RBM20: variants seen among roughly 807,000 people sequenced by gnomAD.
RBM20 encodes the protein RNA binding motif protein 20, also known as RNA-binding protein 20.
A neutral mutation model predicts 110.1 loss-of-function variants in RBM20; 51 were observed. The observed-to-expected ratio is 0.46, with a 90% confidence interval of 0.37 to 0.59. RBM20 has a LOEUF of 0.59. Ranked by LOEUF, RBM20 falls within the 20% of genes least tolerant of loss-of-function variation. The pLI, the probability that RBM20 is intolerant of heterozygous loss-of-function variation, is 0.00. For missense variants in RBM20, 1,512 were observed against 1,574.9 expected (o/e 0.96, Z 0.68); for synonymous variants, 589 against 618.2 (o/e 0.95, Z 0.70).
At chr10:110,729,535 T>A (rs1283636147) in intron 1 of RBM20, among the ~76,000 whole-genome samples, 1 of 151,984 alleles carries the variant, frequency 6.6e-6, no homozygotes, top group African/African-American at 2.4e-5. Flanking sequence ...TTCTAGGCTA[T>A]GAGCCGCAGG....
At chr10:110,667,357 G>A (rs1010741850) in intron 1 of RBM20, among the ~76,000 whole-genome samples, 4 of 152,198 alleles carry the variant, frequency 2.6e-5, no homozygotes, top group Middle Eastern at 3.2e-3. Flanking sequence ...CTAAGTTTGG[G>A]ATGATCATTT....
At chr10:110,659,817 C>T (rs1590600397) in intron 1 of RBM20, among the ~76,000 whole-genome samples, 1 of 92,524 alleles carries the variant, frequency 1.1e-5, no homozygotes, top group South Asian at 3.0e-4. Context: ...CCTTCCTCTT[C>T]TTCCTCTTCC....
At chr10:110,701,789 C>T (rs1020590363) in intron 1 of RBM20, among the ~76,000 whole-genome samples, 3 of 152,158 alleles carry the variant, frequency 2.0e-5, no homozygotes, top group Non-Finnish European at 1.5e-5. Context: ...TTGCTATAGG[C>T]CTGCAACCTG....
intron 6 of RBM20, among the ~76,000 whole-genome samples, chr10:110,799,481 AC>A (rs1844593761): frequency 6.6e-6 from 1 of 152,096 alleles, no homozygotes; most frequent in African/African-American, 2.4e-5. Context: ...TAAAACACAT[AC>A]TCTACAGTGC....
Position 110,838,471 on chromosome 10 carries a change from C to G in RBM20, c.*2493C>G, listed in dbSNP as rs1048813857. 1.3e-5 allele frequency: 2 copies of G among 152,198 alleles called. No individual in the cohort carries two copies. The highest frequency in any genetic ancestry group is 2.9e-5 in the Non-Finnish European group (2 of 68,052). 9.4% of individuals were successfully genotyped at this position (152,198 alleles called of 1,614,324 possible). A position where few individuals can be genotyped will look rare whatever the true frequency, so the allele number is the denominator to read the frequency against. ...ACCTTTGATCTTGTGTGTCTTTCTT[C>G]CTACTGAAGGGAATTGTGGGGGCAG... On this transcript the variant is annotated 3_prime_UTR_variant, in exon 14 of 14. Coordinates refer to ENST00000369519, the MANE Select transcript of RBM20 (RefSeq NM_001134363.3).
chr10:110,743,073 G>A (rs896625075), intron 1 of RBM20, among the ~76,000 whole-genome samples: 17 of 152,274 alleles, frequency 1.1e-4, no homozygotes, highest in Admixed American at 1.0e-3. Flanking sequence ...GCAGGGTTCC[G>A]AAAACCTCAG....
chr10:110,813,064 A>G (rs950266089), intron 9 of RBM20, 117 bp downstream of exon 9: 33 of 754,224 alleles, frequency 4.4e-5, no homozygotes, highest in African/African-American at 3.3e-4. Context: ...GCTATTTACT[A>G]TGCGCTAGGC....
intron 1 of RBM20, among the ~76,000 whole-genome samples, chr10:110,779,421 C>T (rs1232494748): frequency 6.6e-6 from 1 of 152,186 alleles, no homozygotes; most frequent in South Asian, 2.1e-4. Flanking sequence ...AACACTTTGC[C>T]CCATGCACCT....
Position 110,818,309 on chromosome 10 carries a change from C to CAAAAAAAA in RBM20, c.2551-1759_2551-1758insAAAAAAAA, listed in dbSNP as rs1466741507. On this transcript the variant is annotated intron_variant, in intron 9 of 13. Coordinates refer to ENST00000369519, the MANE Select transcript of RBM20 (RefSeq NM_001134363.3). ...TCCATCTCAAAAAAAAAAAAAAAAC[C>CAAAAAAAA]AAAACGACAATATGGTGAGGATGTG... Among the ~76,000 whole-genome samples, 22 of 119,788 alleles carry CAAAAAAAA rather than the reference C, an allele frequency of 1.8e-4. 1 individual carries two copies. The highest frequency in any genetic ancestry group is 4.3e-3 in the Middle Eastern group (1 of 230). The allele number at this position is 119,788 out of a possible 152,430, so 78.6% of individuals were successfully genotyped here. A position where few individuals can be genotyped will look rare whatever the true frequency, so the allele number is the denominator to read the frequency against.
chr10:110,766,184 C>G (rs767010255), intron 1 of RBM20, among the ~76,000 whole-genome samples: 2 of 152,128 alleles, frequency 1.3e-5, no homozygotes, highest in Non-Finnish European at 2.9e-5. Flanking sequence ...CTGCTTGGAT[C>G]GTAACCACAG....
intron 9 of RBM20, among the ~76,000 whole-genome samples, chr10:110,818,526 C>T (rs1844870963): frequency 1.3e-5 from 2 of 152,210 alleles, no homozygotes; most frequent in African/African-American, 4.8e-5. Flanking sequence ...CAGCTGGGGG[C>T]ACCCGTTGCA....
chr10:110,648,995 GA>G (rs1311831467), intron 1 of RBM20, among the ~76,000 whole-genome samples: 3 of 152,132 alleles, frequency 2.0e-5, no homozygotes, highest in African/African-American at 4.8e-5. Flanking sequence ...AAAAGAAGAA[GA>G]AGAAGAATTT....
chr10:110,790,009 A>G (rs1018842704), intron 5 of RBM20, among the ~76,000 whole-genome samples: 2 of 152,204 alleles, frequency 1.3e-5, no homozygotes, highest in Admixed American at 6.5e-5. Context: ...ATTTAGTGCC[A>G]GTGTCACAGA....
intron 2 of RBM20, among the ~76,000 whole-genome samples, chr10:110,782,789 C>T (rs1455327963): frequency 4.2e-5 from 6 of 144,418 alleles, no homozygotes; most frequent in Non-Finnish European, 7.6e-5. Flanking sequence ...AATGTCCTTG[C>T]AGAGTGTGAG....
At chr10:110,646,300 T>A (rs1484746438) in intron 1 of RBM20, among the ~76,000 whole-genome samples, 1 of 152,246 alleles carries the variant, frequency 6.6e-6, no homozygotes, top group Non-Finnish European at 1.5e-5. Context: ...AAAATAAATA[T>A]CATTTTATGG....
At chr10:110,728,831 C>T (rs1446522603) in intron 1 of RBM20, among the ~76,000 whole-genome samples, 1 of 152,040 alleles carries the variant, frequency 6.6e-6, no homozygotes, top group Non-Finnish European at 1.5e-5. Flanking sequence ...GCAGGCTGTC[C>T]CTGGGTATCT....
intron 1 of RBM20, among the ~76,000 whole-genome samples, chr10:110,743,172 T>G (rs1843740451): frequency 6.6e-6 from 1 of 152,252 alleles, no homozygotes; most frequent in Non-Finnish European, 1.5e-5. Flanking sequence ...TTAAATTTTA[T>G]GAACTGTATA....
At chr10:110,783,241 T>A in intron 2 of RBM20, 125 bp from the exon 3 acceptor site, 1 of 674,640 alleles carries the variant, frequency 1.5e-6, no homozygotes, top group Admixed American at 2.1e-5. Flanking sequence ...GAGGGATGTG[T>A]CTGCAGGGGT....
intron 7 of RBM20, among the ~76,000 whole-genome samples, chr10:110,806,154 G>A (rs1272440247): frequency 6.6e-6 from 1 of 151,976 alleles, no homozygotes; most frequent in Non-Finnish European, 1.5e-5. Context: ...TGTAATCCCA[G>A]ATGCTTGGGA....
Sources: allele counts gnomAD v4.1 joint callset (sites outside exome capture counted in the v4.1 genomes callset), GRCh38; gene constraint gnomAD v4.1.1; transcripts MANE v1.5; gene names NCBI Gene and HGNC (gene_info 2026-07-23, HGNC 2026-07-21).